The following AATK variants were observed in gnomAD, a reference collection of about 807,000 sequenced individuals.
The protein encoded by AATK is serine/threonine-protein kinase LMTK1.
Under a neutral mutation model 114.3 loss-of-function variants are expected in AATK, and 91 were observed. That is an observed-to-expected ratio of 0.80 (90% CI 0.67 to 0.95). The LOEUF is 0.95. Among genes scored for constraint, AATK ranks in the 40% least tolerant of loss-of-function variants. The pLI is 0.00. For synonymous variants in AATK, 1,075 were observed against 916.5 expected (o/e 1.17, Z -3.12); for missense variants, 2,176 against 1,965.2 (o/e 1.11, Z -2.03).
chr17:81,149,891 T>A (rs1567824725), intron 1 of AATK, among the ~76,000 whole-genome samples: 1 of 152,172 alleles, frequency 6.6e-6, no homozygotes, highest in Non-Finnish European at 1.5e-5. Context: ...CATGTCCCTC[T>A]GGTCCGACAG....
intron 1 of AATK, among the ~76,000 whole-genome samples, chr17:81,152,367 CTT>C (rs2061309835): frequency 6.6e-6 from 1 of 152,206 alleles, no homozygotes. Context: ...AGGAGGATCA[CTT>C]GAGCCCAGGA....
At chr17:81,132,061 AG>A in intron 2 of AATK, 1 of 1,277,354 alleles carries the variant, frequency 7.8e-7, no homozygotes, top group Non-Finnish European at 1.0e-6. Flanking sequence ...GCACCTGTAT[AG>A]GGGATACCCC....
intron 1 of AATK, among the ~76,000 whole-genome samples, chr17:81,144,531 G>A (rs1035484419): frequency 1.1e-4 from 16 of 152,242 alleles, no homozygotes; most frequent in Admixed American, 6.5e-4. Flanking sequence ...AAGGGGGCCG[G>A]GCAGGGGGCC....
At position 81,127,779 on chromosome 17, in the gene AATK, G is replaced by A. The variant is rs890871989; in HGVS notation, c.533+13C>T. On this transcript the variant is annotated intron_variant, in intron 5 of 13. Coordinates refer to ENST00000326724, the MANE Select transcript of AATK (RefSeq NM_001080395.3). The stretch of plus-strand genomic sequence containing the variant: ...CCGCACAGCACAGGCCTTTGTGCCC[G>A]GTGGCCTCCCACCTGTAGGGCTGCA... 13 of 1,502,316 alleles carry A rather than the reference G, an allele frequency of 8.7e-6. No homozygotes were observed. The highest frequency in any genetic ancestry group is 2.8e-5 in the African/African-American group (2 of 71,924). 93.1% of individuals were successfully genotyped at this position (1,502,316 alleles called of 1,614,324 possible). A position where few individuals can be genotyped will look rare whatever the true frequency, so the allele number is the denominator to read the frequency against.
In AATK at chr17:81,127,625, G is replaced by C. The variant is rs376073902; in HGVS notation, c.579C>G (p.Ala193=). ...SNLLQCLAQC[A]EVTPYLLVME... Reference sequence around the variant, plus strand: ...TCACCAGCAGGTAGGGCGTCACCTCGGCGCACTGGGCCAGGCACTGGAGCA... The same window carrying C: ...TCACCAGCAGGTAGGGCGTCACCTCCGCGCACTGGGCCAGGCACTGGAGCA... Residue 193 remains alanine, a synonymous_variant, in exon 6 of 14, where the codon GCC becomes GCG. Transcript: ENST00000326724. 1 of 1,601,420 alleles carries C rather than the reference G, an allele frequency of 6.2e-7. No individual in the cohort carries two copies. Among genetic ancestry groups the C allele is most frequent in the Non-Finnish European group, 8.5e-7 (1 of 1,174,642 alleles).
At chr17:81,123,883 G>C (rs1395019349) in intron 9 of AATK, among the ~76,000 whole-genome samples, 1 of 152,148 alleles carries the variant, frequency 6.6e-6, no homozygotes, top group Admixed American at 6.5e-5. Context: ...CAGCCACTTT[G>C]GTCCCTGGCT....
Position 81,126,777 on chromosome 17 carries a change from A to C in AATK, c.622-217T>G. On this transcript the variant is annotated intron_variant, in intron 6 of 13. Coordinates refer to ENST00000326724, the MANE Select transcript of AATK (RefSeq NM_001080395.3). The surrounding 1 kb of genome is among the most constrained non-coding windows in gnomAD (Gnocchi z 5.1). Reference sequence around the variant, plus strand: ...GGGCTGGACTGAAGGCTTCCTCTCCACTGCCCCTCAGCCAGCCCCGGGCAG... The same window carrying C: ...GGGCTGGACTGAAGGCTTCCTCTCCCCTGCCCCTCAGCCAGCCCCGGGCAG... 2 of 1,386,372 alleles carry C rather than the reference A, an allele frequency of 1.4e-6. No homozygotes were observed. Among genetic ancestry groups the C allele is most frequent in the Non-Finnish European group, 1.9e-6 (2 of 1,071,148 alleles). The allele number at this position is 1,386,372 out of a possible 1,614,324, so 85.9% of individuals were successfully genotyped here.
chr17:81,130,392 C>G (rs940014512), intron 3 of AATK, among the ~76,000 whole-genome samples: 4 of 152,148 alleles, frequency 2.6e-5, no homozygotes, highest in Non-Finnish European at 5.9e-5. Context: ...CCCCAAACTC[C>G]CCAGCACGTC....
Position 81,126,329 on chromosome 17 carries a change from C to G in AATK, c.755+98G>C. On this transcript the variant is annotated intron_variant, in intron 7 of 13. Transcript: ENST00000326724. The surrounding 1 kb of genome is among the most constrained non-coding windows in gnomAD (Gnocchi z 5.1). ...CTGCATGAGATGAACCTGGCCGGTC[C>G]TCGCAAGCCCCCTGAGGCAGGACCC... is the stretch of plus-strand genomic sequence containing the variant. 2 of 1,421,434 alleles carry G rather than the reference C, an allele frequency of 1.4e-6. No homozygotes were observed. The highest frequency in any genetic ancestry group is 1.9e-6 in the Non-Finnish European group (2 of 1,069,538). 88.1% of individuals were successfully genotyped at this position (1,421,434 alleles called of 1,614,324 possible).
At chr17:81,150,558 A>T (rs1199866998) in intron 1 of AATK, among the ~76,000 whole-genome samples, 2 of 151,918 alleles carry the variant, frequency 1.3e-5, no homozygotes, top group Non-Finnish European at 2.9e-5. Context: ...GACTGTCTCC[A>T]CAACAGGCTG....
At chr17:81,133,884 G>A (rs2060972353) in intron 2 of AATK, among the ~76,000 whole-genome samples, 1 of 152,194 alleles carries the variant, frequency 6.6e-6, no homozygotes, top group African/African-American at 2.4e-5. Context: ...CCCCGCGCAA[G>A]GTGACTCCAA....
At chr17:81,122,882 T>G in intron 10 of AATK, 59 bp from the exon 11 acceptor site, 1 of 1,376,504 alleles carries the variant, frequency 7.3e-7, no homozygotes, top group East Asian at 2.9e-5. Flanking sequence ...AACGCGTCCC[T>G]GGAGCAGGGA....
chr17:81,118,587 AT>A (rs1568214732), intron 13 of AATK, 145 bp from the exon 14 acceptor site: 2 of 802,696 alleles, frequency 2.5e-6, no homozygotes, highest in Non-Finnish European at 4.1e-6. Flanking sequence ...TAGGTGAGAG[AT>A]GGACCCATTT....
chr17:81,138,201 A>C (rs57572014), intron 1 of AATK, among the ~76,000 whole-genome samples: 78,422 of 146,914 alleles, frequency 0.53, 20,933 homozygotes, highest in East Asian at 0.76. Flanking sequence ...ACACACACAC[A>C]CACCCCCACA....
rs117052072 is a variant in AATK, at chr17:81,126,462, G to A, written c.720C>T (p.Gly240=). ...LQRMACEVAC[G]VLHLHRNNFV... The stretch of plus-strand genomic sequence containing the variant: ...AATTGTTGCGATGAAGGTGCAGGAC[G>A]CCACAGGCCACCTCACAGGCCATGC... The change falls in exon 7 of 14, where the codon GGC becomes GGT. Residue 240 remains glycine, a synonymous_variant. Coordinates refer to ENST00000326724, the MANE Select transcript of AATK (RefSeq NM_001080395.3). The surrounding 1 kb of genome is among the most constrained non-coding windows in gnomAD (Gnocchi z 5.1). 1.8e-3 allele frequency: 2,866 copies of A among 1,559,362 alleles called. 1 individual carries two copies. Among genetic ancestry groups the A allele is most frequent in the Non-Finnish European group, 2.2e-3 (2,495 of 1,151,816 alleles).
intron 1 of AATK, chr17:81,165,652 GC>G: frequency 6.7e-7 from 1 of 1,489,168 alleles, no homozygotes; most frequent in Non-Finnish European, 9.0e-7. Flanking sequence ...GACACCAGGG[GC>G]CCACGCAGGC....
rs753429015 is a variant in AATK at position 81,121,453 on chromosome 17, G to A, written c.2483C>T (p.Thr828Met). 38 of 1,592,612 alleles carry A rather than the reference G, an allele frequency of 2.4e-5. No homozygotes were observed. Among genetic ancestry groups the A allele is most frequent in the South Asian group, 3.4e-5 (3 of 88,390 alleles). Residue 828 changes from threonine to methionine, a missense_variant, in exon 11 of 14, where the codon ACG (threonine) becomes ATG (methionine). This residue lies in a region of AATK where 1,701 missense variants were observed against 1,394.7 expected (regional missense o/e 1.22). Transcript: ENST00000326724. ...AGACACCTCGCCACCAGTAGCAGGC[G>A]TGGGAGAGTCAGGCAGGGCATCAGG... is the stretch of plus-strand genomic sequence containing the variant. Reference protein sequence around the residue: ...DAPDALPDSPTPATGGEVSAI... With the variant: ...DAPDALPDSPMPATGGEVSAI...
intron 13 of AATK, 131 bp downstream of exon 13, chr17:81,119,245 CGGGG>C: frequency 4.5e-6 from 1 of 223,000 alleles, no homozygotes; most frequent in Non-Finnish European, 6.6e-6. Flanking sequence ...CGGGAAGGAG[CGGGG>C]CCGGGAAGGA....
chr17:81,140,714 A>C (rs867958710), intron 1 of AATK, among the ~76,000 whole-genome samples: 1 of 60,536 alleles, frequency 1.7e-5, no homozygotes, highest in African/African-American at 7.4e-5. Flanking sequence ...GGGCGGTGAG[A>C]CCGTGGGGCT....
Sources: allele counts gnomAD v4.1 joint callset (sites outside exome capture counted in the v4.1 genomes callset), GRCh38; gene constraint gnomAD v4.1.1; regional missense constraint gnomAD v4.1.1; non-coding constraint Gnocchi (gnomAD v3.1); transcripts MANE v1.5; gene names NCBI Gene and HGNC (gene_info 2026-07-23, HGNC 2026-07-21).